Variants in TGM3 observed in about 807,000 individuals in gnomAD.
TGM3 encodes protein-glutamine gamma-glutamyltransferase E.
A neutral mutation model predicts 73.8 loss-of-function variants in TGM3; 52 were observed. The ratio of observed to expected loss-of-function variants is 0.70; its 90% CI spans 0.56 to 0.89. The LOEUF is 0.89. Ranked by LOEUF, TGM3 falls within the 40% of genes least tolerant of loss-of-function variation. The pLI is 0.00. For synonymous variants in TGM3, 372 were observed against 354.9 expected, an observed-to-expected ratio of 1.05 and a Z score of -0.54; for missense variants, 928 against 909.9, an observed-to-expected ratio of 1.02 and a Z score of -0.26.
intron 1 of TGM3, among the ~76,000 whole-genome samples, chr20:2,297,927 T>G (rs182085732): frequency 6.6e-6 from 1 of 152,324 alleles, no homozygotes; most frequent in East Asian, 1.9e-4. Flanking sequence ...CAAGGCAGAC[T>G]GTTATTAAGC....
intron 9 of TGM3, 93 bp from the exon 10 acceptor site, chr20:2,331,909 C>G (rs1221719023): frequency 3.5e-6 from 5 of 1,432,638 alleles, no homozygotes; most frequent in Non-Finnish European, 4.7e-6. Flanking sequence ...GGAGCCAGCA[C>G]CAGTCCTAGG....
At chr20:2,333,775 GAA>G (rs2084333129) in intron 10 of TGM3, among the ~76,000 whole-genome samples, 1 of 152,212 alleles carries the variant, frequency 6.6e-6, no homozygotes, top group Non-Finnish European at 1.5e-5. Flanking sequence ...GAATGGAATG[GAA>G]AAGAGAGAGA....
chr20:2,337,641 A>G (rs956744151), intron 11 of TGM3, among the ~76,000 whole-genome samples: 6 of 150,002 alleles, frequency 4.0e-5, no homozygotes, highest in African/African-American at 1.5e-4. Flanking sequence ...AATTGCTTGA[A>G]CCCGAGAGGC....
chr20:2,334,513 A>G lies in TGM3; in HGVS notation c.1643-603A>G, dbSNP rs188950139. On this transcript the variant is annotated intron_variant, in intron 10 of 12. Transcript: ENST00000381458. The surrounding 1 kb of genome is among the most constrained non-coding windows in gnomAD (Gnocchi z 4.0). ...TGCTGTGGCAGTAGAACCCCAGGCT[A>G]TTAGATGACGGGGAGGATCCTAAGC... Among the ~76,000 whole-genome samples, 13 of 152,342 alleles carry G rather than the reference A, an allele frequency of 8.5e-5. No individual in the cohort carries two copies. The East Asian group carries it at 2.3e-3, about 27-fold the overall frequency.
intron 5 of TGM3, among the ~76,000 whole-genome samples, chr20:2,315,915 G>A (rs539289049): frequency 6.6e-6 from 1 of 152,300 alleles, no homozygotes; most frequent in African/African-American, 2.4e-5. Context: ...CATAAAAGTA[G>A]AGAGAAAAGC....
At chr20:2,325,721 G>A (rs574868986) in intron 7 of TGM3, 128 bp from the exon 8 acceptor site, 22 of 695,896 alleles carry the variant, frequency 3.2e-5, no homozygotes, top group Non-Finnish European at 4.9e-5. Flanking sequence ...TAGCATAACC[G>A]CCGTCACAGG....
chr20:2,301,539 A>T (rs976396084), intron 1 of TGM3, among the ~76,000 whole-genome samples: 1 of 151,454 alleles, frequency 6.6e-6, no homozygotes, highest in Admixed American at 6.6e-5. Context: ...AAGAAAAAAA[A>T]AAAAAGCAGA....
intron 7 of TGM3, among the ~76,000 whole-genome samples, chr20:2,323,877 G>T (rs768770016): frequency 6.6e-6 from 1 of 152,120 alleles, no homozygotes; most frequent in East Asian, 1.9e-4. Context: ...TATAAAAATT[G>T]CCTGCTCGTT....
At chr20:2,312,261 G>A (rs1414129637) in intron 4 of TGM3, among the ~76,000 whole-genome samples, 1 of 151,966 alleles carries the variant, frequency 6.6e-6, no homozygotes, top group African/African-American at 2.4e-5. Flanking sequence ...TTGGCCAGGT[G>A]TGGTGGCACG....
intron 5 of TGM3, among the ~76,000 whole-genome samples, chr20:2,313,315 AGCTTGCTCTTTGAGT>A (rs1469423960): frequency 6.6e-6 from 1 of 152,188 alleles, no homozygotes; most frequent in Admixed American, 6.5e-5. Flanking sequence ...AGGAAAAGGG[AGCTTGCTCTTTGAGT>A]GCCTGCCAAG....
chr20:2,296,609 A>T (rs2084109497), intron 1 of TGM3, among the ~76,000 whole-genome samples: 1 of 152,116 alleles, frequency 6.6e-6, no homozygotes, highest in African/African-American at 2.4e-5. Flanking sequence ...ACACATCAGA[A>T]GCATCAGACA....
intron 1 of TGM3, among the ~76,000 whole-genome samples, chr20:2,304,103 C>T (rs1377547485): frequency 2.0e-5 from 3 of 152,130 alleles, no homozygotes; most frequent in Non-Finnish European, 4.4e-5. Flanking sequence ...CCCTGAGGCT[C>T]GTAAATATAC....
chr20:2,340,411 C>CTG (rs776062028), intron 12 of TGM3, 23 bp from the exon 13 acceptor site: 2 of 1,613,904 alleles, frequency 1.2e-6, no homozygotes, highest in Non-Finnish European at 1.7e-6. Context: ...CGTATCAACA[C>CTG]TGATCTGTGC....
chr20:2,298,651 C>G (rs767114407), intron 1 of TGM3, among the ~76,000 whole-genome samples: 1 of 152,178 alleles, frequency 6.6e-6, no homozygotes, highest in Non-Finnish European at 1.5e-5. Context: ...ACCACCAAAC[C>G]GTTCTCCTTG....
In TGM3 at chr20:2,310,496, AG is replaced by A. The variant is rs1286582556; in HGVS notation, c.421+81del. On this transcript the variant is annotated intron_variant, in intron 3 of 12. Coordinates refer to ENST00000381458, the MANE Select transcript of TGM3 (RefSeq NM_003245.4). ...AGGGGATGGGGGAAATGATCTTCAC[AG>A]GCTCAAGTTTGATTAGGGAAAGTCC... is the stretch of plus-strand genomic sequence containing the variant. The A allele has an allele frequency of 5.7e-6, 9 of 1,566,316 alleles. No individual in the cohort carries two copies. In the African/African-American group the frequency reaches 1.2e-4, roughly 21 times the overall value.
chr20:2,298,722 T>C (rs961796847), intron 1 of TGM3, among the ~76,000 whole-genome samples: 1 of 152,224 alleles, frequency 6.6e-6, no homozygotes, highest in Non-Finnish European at 1.5e-5. Context: ...TCTTGGGTTC[T>C]GGCCTCCTTC....
chr20:2,300,653 C>T (rs1288791442), intron 1 of TGM3, among the ~76,000 whole-genome samples: 1 of 152,228 alleles, frequency 6.6e-6, no homozygotes, highest in East Asian at 1.9e-4. Context: ...GTGACTTCAC[C>T]TGACTGGACT....
At chr20:2,323,057 T>C (rs898666488) in intron 7 of TGM3, among the ~76,000 whole-genome samples, 19 of 152,202 alleles carry the variant, frequency 1.2e-4, no homozygotes, top group Non-Finnish European at 2.2e-4. Flanking sequence ...CACATAGGTT[T>C]TTTTCTTTTT....
At position 2,332,301 on chromosome 20, in the gene TGM3, C is replaced by T; in HGVS notation, c.1633C>T (p.Pro545Ser). The change falls in exon 10 of 13, where the codon CCT becomes TCT. Residue 545 changes from proline to serine, a missense_variant. Transcript: ENST00000381458. The surrounding 1 kb of genome is among the most constrained non-coding windows in gnomAD (Gnocchi z 4.4). The part of the protein sequence containing the change: ...WKDSATMSLD[P>S]EEEAEHPIKI... ...GGACTCTGCCACAATGTCCCTGGAC[C>T]CTGAGGAAGGTAACGCATCCCGCAG... is the stretch of plus-strand genomic sequence containing the variant. 6.3e-7 allele frequency: 1 copy of T among 1,592,418 alleles called. No individual in the cohort carries two copies. Among genetic ancestry groups the T allele is most frequent in the Non-Finnish European group, 8.6e-7 (1 of 1,167,696 alleles).
Sources: gnomAD v4.1 joint callset for allele counts (sites outside exome capture counted in the v4.1 genomes callset) on GRCh38, gnomAD v4.1.1 for gene constraint, Gnocchi (gnomAD v3.1) non-coding constraint, MANE v1.5 for transcripts, NCBI Gene and HGNC (gene_info 2026-07-23, HGNC 2026-07-21) for gene names.